Variants in TPRG1 observed in about 807,000 individuals in gnomAD.
TPRG1 encodes the protein tumor protein p63 regulated 1.
A neutral mutation model predicts 29.3 loss-of-function variants in TPRG1; 29 were observed. That is an observed-to-expected ratio of 0.99 (90% CI 0.74 to 1.35). TPRG1 has a LOEUF of 1.35. TPRG1 is among the 40% of genes most tolerant of loss of function. TPRG1 has a pLI of 0.00. For synonymous variants in TPRG1, 130 were observed against 116.8 expected, an observed-to-expected ratio of 1.11 and a Z score of -0.73; for missense variants, 327 against 335.0, an observed-to-expected ratio of 0.98 and a Z score of 0.19.
chr3:189,123,445 T>A (rs1722065255), intron 1 of TPRG1: 1 of 152,182 alleles, frequency 6.6e-6, no homozygotes, highest in Non-Finnish European at 1.5e-5. Flanking sequence ...GAATGTGTAA[T>A]GTACAAGAAG....
intron 5 of TPRG1, among the ~76,000 whole-genome samples, chr3:189,158,430 G>A (rs916643515): frequency 2.6e-5 from 4 of 151,976 alleles, no homozygotes; most frequent in Non-Finnish European, 2.9e-5. Flanking sequence ...CCAATATGGT[G>A]AAACCCCGTC....
chr3:189,012,699 A>G (rs922329434), intron 3 of TPRG1, among the ~76,000 whole-genome samples: 66 of 152,046 alleles, frequency 4.3e-4, no homozygotes, highest in Non-Finnish European at 8.8e-5. Context: ...TCATGGATTC[A>G]ATTTCTTTCT....
chr3:189,070,210 C>A (rs1448166430), intron 4 of TPRG1, among the ~76,000 whole-genome samples: 1 of 152,050 alleles, frequency 6.6e-6, no homozygotes, highest in Non-Finnish European at 1.5e-5. Context: ...TATGAAATGA[C>A]AAAATGTTAG....
At chr3:189,041,435 G>A (rs548197030) in intron 4 of TPRG1, among the ~76,000 whole-genome samples, 61 of 152,290 alleles carry the variant, frequency 4.0e-4, no homozygotes, top group African/African-American at 1.2e-3. Flanking sequence ...TATGCTTTGG[G>A]CAGATTATTT....
chr3:189,299,626 ATTTTT>A (rs60136863), intron 4 of TPRG1, among the ~76,000 whole-genome samples: 2 of 135,682 alleles, frequency 1.5e-5, no homozygotes, highest in Non-Finnish European at 3.2e-5. Context: ...TGAGTTGTGT[ATTTTT>A]TTTTTTTTTT....
chr3:189,266,018 A>G (rs1387136974), intron 4 of TPRG1, among the ~76,000 whole-genome samples: 1 of 152,216 alleles, frequency 6.6e-6, no homozygotes, highest in East Asian at 1.9e-4. Context: ...ACCGAGAATG[A>G]TAAGGGTTGC....
At chr3:189,037,001 C>T (rs145013012) in intron 4 of TPRG1, among the ~76,000 whole-genome samples, 39 of 147,698 alleles carry the variant, frequency 2.6e-4, no homozygotes, top group African/African-American at 7.7e-4. Context: ...CACCAAAATC[C>T]GAGGCCCAAA....
intron 3 of TPRG1, among the ~76,000 whole-genome samples, chr3:189,145,359 T>TAAAAAAAAAAAAAAAAAAAAA (rs58210295): frequency 1.9e-5 from 2 of 107,394 alleles, no homozygotes; most frequent in East Asian, 2.9e-4. Flanking sequence ...AGACTCCATC[T>TAAAAAAAAAAAAAAAAAAAAA]AAAAAAAAAA....
intron 4 of TPRG1, among the ~76,000 whole-genome samples, chr3:189,262,203 G>GGTACAA (rs1713186415): frequency 7.1e-6 from 1 of 141,422 alleles, no homozygotes; most frequent in Admixed American, 7.1e-5. Context: ...GAGAAGACTT[G>GGTACAA]GTATAAGTAT....
intron 4 of TPRG1, among the ~76,000 whole-genome samples, chr3:189,033,785 C>A (rs965894481): frequency 7.9e-5 from 12 of 151,988 alleles, no homozygotes; most frequent in African/African-American, 2.9e-4. Flanking sequence ...ACTGTGTTAG[C>A]CAGGATGGTT....
intron 4 of TPRG1, among the ~76,000 whole-genome samples, chr3:189,043,428 C>T (rs1666415245): frequency 6.6e-6 from 1 of 152,188 alleles, no homozygotes; most frequent in African/African-American, 2.4e-5. Flanking sequence ...CTCAGTTTTT[C>T]CATTCACACA....
rs1156391587 is a variant in TPRG1 at position 189,321,983 on chromosome 3, A to G, written c.*1163A>G. ...CTTATTTCCTCTTTGTCTCTTCCCG[A>G]CTTAGATCTAATTTTCAACAACCCA... On this transcript the variant is annotated 3_prime_UTR_variant, in exon 6 of 6. Transcript: ENST00000345063. The G allele has an allele frequency of 6.6e-6, 1 of 151,992 alleles. No homozygotes were observed. The highest frequency in any genetic ancestry group is 1.5e-5 in the Non-Finnish European group (1 of 67,982). The allele number at this position is 151,992 out of a possible 1,614,324, so 9.4% of individuals were successfully genotyped here. A position where few individuals can be genotyped will look rare whatever the true frequency, so the allele number is the denominator to read the frequency against.
chr3:189,205,787 T>A (rs926797443), intron 1 of TPRG1, among the ~76,000 whole-genome samples: 10 of 152,256 alleles, frequency 6.6e-5, no homozygotes, highest in Non-Finnish European at 1.0e-4. Context: ...TTGCTTTATA[T>A]GTACAAAATA....
chr3:189,001,167 C>T (rs1578177005), intron 2 of TPRG1, among the ~76,000 whole-genome samples: 1 of 152,066 alleles, frequency 6.6e-6, no homozygotes. Context: ...TCAAATCTCC[C>T]CAACCAGAGA....
chr3:189,255,953 A>G (rs981397651), intron 4 of TPRG1, among the ~76,000 whole-genome samples: 1 of 145,880 alleles, frequency 6.9e-6, no homozygotes, highest in East Asian at 2.1e-4. Flanking sequence ...AATCTTTTCC[A>G]AAAAAAACAG....
At chr3:189,168,002 C>G (rs1045651713), upstream of TPRG1, among the ~76,000 whole-genome samples, 8 of 152,136 alleles carry the variant, frequency 5.3e-5, no homozygotes, top group African/African-American at 1.9e-4. Flanking sequence ...CTTTTTAGCC[C>G]TCAGTGAACC....
chr3:189,201,253 T>C (rs2108778818), intron 1 of TPRG1, among the ~76,000 whole-genome samples: 1 of 152,330 alleles, frequency 6.6e-6, no homozygotes, highest in East Asian at 1.9e-4. Context: ...AACAGCCAGC[T>C]TTTCTTCCCA....
chr3:189,121,105 C>T (rs1056299692), intron 1 of TPRG1, among the ~76,000 whole-genome samples: 3 of 152,010 alleles, frequency 2.0e-5, no homozygotes, highest in African/African-American at 7.2e-5. Context: ...GAGGATAAAA[C>T]CAAAACAATT....
intron 4 of TPRG1, among the ~76,000 whole-genome samples, chr3:189,270,167 A>C (rs1714859478): frequency 6.6e-6 from 1 of 152,064 alleles, no homozygotes; most frequent in East Asian, 1.9e-4. Context: ...ACTTTTAAGA[A>C]AAATAATAAT....
Sources: gnomAD v4.1 joint callset for allele counts (sites outside exome capture counted in the v4.1 genomes callset) on GRCh38, gnomAD v4.1.1 for gene constraint, MANE v1.5 for transcripts, NCBI Gene and HGNC (gene_info 2026-07-23, HGNC 2026-07-21) for gene names.